Variants in SERPINI2 observed in about 807,000 individuals in gnomAD.
SERPINI2 encodes the protein serpin family I member 2, also known as serpin I2.
In SERPINI2, 48 loss-of-function variants were observed where a neutral mutation model predicts 47.3. The observed-to-expected ratio is 1.02, with a 90% CI of 0.81 to 1.29. SERPINI2 has a LOEUF of 1.29. SERPINI2 is among the 50% of genes most tolerant of loss of function. The pLI is 0.00. For missense variants in SERPINI2, 448 were observed against 456.9 expected (o/e 0.98, Z 0.18); for synonymous variants, 135 against 149.3 (o/e 0.90, Z 0.70).
chr3:167,452,955 G>A lies in SERPINI2; in HGVS notation c.945C>T (p.Cys315=), dbSNP rs147599618. The change falls in exon 6 of 9, where the codon TGC becomes TGT. Residue 315 remains cysteine, a synonymous_variant. Coordinates refer to ENST00000264677, the Ensembl canonical transcript of SERPINI2. Reference sequence around the variant, plus strand: ...TACTACCTGTTATTCCAGAAAGGTCGCAGCCACCACTAAATATCTCGGTTA... The same window carrying A: ...TACTACCTGTTATTCCAGAAAGGTCACAGCCACCACTAAATATCTCGGTTA... 92 of 1,596,388 alleles carry A rather than the reference G, an allele frequency of 5.8e-5. No individual in the cohort carries two copies. In the African/African-American group the frequency reaches 1.1e-3, roughly 18 times the overall value.
In SERPINI2 at chr3:167,458,529, CG is replaced by C. The variant is rs373741892; in HGVS notation, c.867-5497del. ...TGCCCACCTCGGCCTCCTAAAGTGCCGGGTCTACAGGCGTGAGCCACCGCTC... is the reference window on the plus strand; with the variant it reads ...TGCCCACCTCGGCCTCCTAAAGTGCCGGTCTACAGGCGTGAGCCACCGCTC... On this transcript the variant is annotated intron_variant, in intron 5 of 8. Coordinates refer to ENST00000264677, the Ensembl canonical transcript of SERPINI2. Among the ~76,000 whole-genome samples, 505 of 151,656 alleles carry C rather than the reference CG, an allele frequency of 3.3e-3. 2 individuals carry two copies. The highest frequency in any genetic ancestry group is 0.024 in the Middle Eastern group (7 of 294).
intron 2 of SERPINI2, 81 bp from the exon 3 acceptor site, chr3:167,467,366 T>G (rs1254119073): frequency 3.2e-6 from 3 of 941,972 alleles, no homozygotes; most frequent in Non-Finnish European, 4.7e-6. Context: ...CTAAGTACTC[T>G]GATTCATATC....
Sources: allele counts gnomAD v4.1 joint callset (sites outside exome capture counted in the v4.1 genomes callset), GRCh38; gene constraint gnomAD v4.1.1; transcripts MANE v1.5; gene names NCBI Gene and HGNC (gene_info 2026-07-23, HGNC 2026-07-21).